The following STX1A variants were observed in gnomAD, a reference collection of about 807,000 sequenced individuals.
STX1A encodes syntaxin 1A.
In STX1A, 4 loss-of-function variants were observed where a neutral mutation model predicts 37.8. The observed-to-expected ratio is 0.11, with a 90% CI of 0.05 to 0.24. STX1A has a LOEUF of 0.24. Among genes scored for constraint, STX1A ranks in the 10% least tolerant of loss-of-function variants. STX1A has a pLI of 1.00. For synonymous variants in STX1A, 135 were observed against 147.4 expected (o/e 0.92, Z 0.61); for missense variants, 251 against 399.9 (o/e 0.63, Z 3.18).
intron 1 of STX1A, among the ~76,000 whole-genome samples, chr7:73,719,390 C>A (rs1799414280): frequency 6.6e-6 from 1 of 152,190 alleles, no homozygotes; most frequent in South Asian, 2.1e-4. Flanking sequence ...CACGTGTCAG[C>A]GCGGCCGAGC....
At chr7:73,704,950 G>C in intron 4 of STX1A, 200 bp downstream of exon 4, 1 of 636,288 alleles carries the variant, frequency 1.6e-6, no homozygotes, top group South Asian at 1.8e-5. Context: ...CCTTAGGTGG[G>C]TGTGTCCCTG....
intron 1 of STX1A, among the ~76,000 whole-genome samples, chr7:73,710,666 C>G (rs1225598369): frequency 6.6e-6 from 1 of 152,214 alleles, no homozygotes; most frequent in Non-Finnish European, 1.5e-5. Flanking sequence ...CTCAGGTGAT[C>G]CACCCGCCTC....
chr7:73,705,406 C>T lies in STX1A; in HGVS notation c.209-182G>A. On this transcript the variant is annotated intron_variant, in intron 3 of 9. Transcript: ENST00000222812. This position sits in a 1 kb window ranked among gnomAD's most constrained non-coding sequence, Gnocchi z 5.2. ...CCCCAATTCTGGGCCAGGGCTGCACCAGCTGCAGCTTCACCCCCTCTTGTG... is the reference window on the plus strand; with the variant it reads ...CCCCAATTCTGGGCCAGGGCTGCACTAGCTGCAGCTTCACCCCCTCTTGTG... The T allele has an allele frequency of 1.7e-6, 1 of 596,674 alleles. No homozygotes were observed. The highest frequency in any genetic ancestry group is 3.0e-6 in the Non-Finnish European group (1 of 335,500). 37.0% of individuals were successfully genotyped at this position (596,674 alleles called of 1,614,324 possible).
intron 3 of STX1A, among the ~76,000 whole-genome samples, chr7:73,707,650 G>A (rs1219821791): frequency 6.6e-6 from 1 of 152,162 alleles, no homozygotes; most frequent in Admixed American, 6.5e-5. Context: ...ATACCTTCTT[G>A]GGGCTGGGCG....
rs781978960 is a variant in STX1A, at chr7:73,700,882, T to G, written c.679-42A>C. The G allele has an allele frequency of 6.2e-7, 1 of 1,609,010 alleles. No individual in the cohort carries two copies. The highest frequency in any genetic ancestry group is 1.7e-5 in the Admixed American group (1 of 59,860). ...ACCCGAGCTCCAGAGGGCCCCCTCC[T>G]CAGGGTTGGGTTGGGGCTCGGGGCA... On this transcript the variant is annotated intron_variant, in intron 8 of 9. Coordinates refer to ENST00000222812, the MANE Select transcript of STX1A (RefSeq NM_004603.4). The surrounding 1 kb of genome is among the most constrained non-coding windows in gnomAD (Gnocchi z 4.4).
intron 8 of STX1A, among the ~76,000 whole-genome samples, chr7:73,701,899 T>C (rs1401281854): frequency 6.6e-6 from 1 of 152,196 alleles, no homozygotes; most frequent in Non-Finnish European, 1.5e-5. Context: ...GAGACCAGCC[T>C]GGGCAACACA....
chr7:73,714,678 G>A (rs1384070965), intron 1 of STX1A, among the ~76,000 whole-genome samples: 2 of 152,022 alleles, frequency 1.3e-5, no homozygotes, highest in Non-Finnish European at 2.9e-5. Flanking sequence ...GGTACTGCAG[G>A]TGTGAGCCCC....
rs1798703458 is a variant in STX1A, at chr7:73,702,672, AGGGACCTTC to A, written c.678+164_678+172del. ...GCTCAAGCAGAGCCATGCAGAGGACAGGGACCTTCGGGTCGGCAGGGCCCTGGCGGCAGT... is the reference window on the plus strand; with the variant it reads ...GCTCAAGCAGAGCCATGCAGAGGACAGGGTCGGCAGGGCCCTGGCGGCAGT... On this transcript the variant is annotated intron_variant, in intron 8 of 9. Transcript: ENST00000222812. The surrounding 1 kb of genome is among the most constrained non-coding windows in gnomAD (Gnocchi z 4.7). 3.4e-6 allele frequency: 5 copies of A among 1,480,900 alleles called. No individual in the cohort carries two copies. The East Asian group carries it at 1.2e-4, about 37-fold the overall frequency. 91.7% of individuals were successfully genotyped at this position (1,480,900 alleles called of 1,614,324 possible).
In STX1A at chr7:73,705,383, C is replaced by G. The variant is rs1798833531; in HGVS notation, c.209-159G>C. 1.6e-6 allele frequency: 1 copy of G among 633,610 alleles called. No homozygotes were observed. Among genetic ancestry groups the G allele is most frequent in the Non-Finnish European group, 2.8e-6 (1 of 358,848 alleles). 39.2% of individuals were successfully genotyped at this position (633,610 alleles called of 1,614,324 possible). A position where few individuals can be genotyped will look rare whatever the true frequency, so the allele number is the denominator to read the frequency against. On this transcript the variant is annotated intron_variant, in intron 3 of 9. Transcript: ENST00000222812. The surrounding 1 kb of genome is among the most constrained non-coding windows in gnomAD (Gnocchi z 5.2). ...GGCTCTGCCTGCCCGCCCCCCTCCCCCAATTCTGGGCCAGGGCTGCACCAG... is the reference window on the plus strand; with the variant it reads ...GGCTCTGCCTGCCCGCCCCCCTCCCGCAATTCTGGGCCAGGGCTGCACCAG...
rs1490447379 is a variant in STX1A, at chr7:73,702,368, C to T, written c.678+477G>A. Among the ~76,000 whole-genome samples the T allele has an allele frequency of 6.6e-6, 1 of 152,194 alleles. No individual in the cohort carries two copies. Among genetic ancestry groups the T allele is most frequent in the African/African-American group, 2.4e-5 (1 of 41,450 alleles). ...CTTCCTGGACCTTCACCTCAGCTGC[C>T]AGTCTCTGGGACGGGGACCTGGAAA... is the stretch of plus-strand genomic sequence containing the variant. On this transcript the variant is annotated intron_variant, in intron 8 of 9. Transcript: ENST00000222812. The surrounding 1 kb of genome is among the most constrained non-coding windows in gnomAD (Gnocchi z 4.7).
chr7:73,713,266 T>A (rs184416798), intron 1 of STX1A, among the ~76,000 whole-genome samples: 2 of 152,182 alleles, frequency 1.3e-5, no homozygotes, highest in African/African-American at 4.8e-5. Context: ...TCAGTTCTCA[T>A]TGGACACGGA....
chr7:73,715,726 A>T (rs1799268865), intron 1 of STX1A, among the ~76,000 whole-genome samples: 1 of 152,254 alleles, frequency 6.6e-6, no homozygotes, highest in Non-Finnish European at 1.5e-5. Flanking sequence ...AGGTTGATTC[A>T]TCACTGCTGA....
chr7:73,704,829 C>G lies in STX1A; in HGVS notation c.283+321G>C, dbSNP rs1241197700. On this transcript the variant is annotated intron_variant, in intron 4 of 9. Coordinates refer to ENST00000222812, the MANE Select transcript of STX1A (RefSeq NM_004603.4). The stretch of plus-strand genomic sequence containing the variant: ...CATGGGGTGCACGTGTCTGTTCACC[C>G]AGAATACCGGGCTTCTGCAAGAGAC... 10 of 520,094 alleles carry G rather than the reference C, an allele frequency of 1.9e-5. 1 individual carries two copies. In the South Asian group the frequency reaches 2.2e-4, roughly 11 times the overall value. The allele number at this position is 520,094 out of a possible 1,614,324, so 32.2% of individuals were successfully genotyped here. A position where few individuals can be genotyped will look rare whatever the true frequency, so the allele number is the denominator to read the frequency against.
rs1563569512 is a variant in STX1A, at chr7:73,703,736, G to A, written c.540+19C>T. On this transcript the variant is annotated intron_variant, in intron 7 of 9. Transcript: ENST00000222812. ...CATGGTGAGGGGGTCATGGCAGGAGGGATGGGGCCTACACTCACCCCAGAG... is the reference window on the plus strand; with the variant it reads ...CATGGTGAGGGGGTCATGGCAGGAGAGATGGGGCCTACACTCACCCCAGAG... 2 of 1,610,614 alleles carry A rather than the reference G, an allele frequency of 1.2e-6. No individual in the cohort carries two copies. The highest frequency in any genetic ancestry group is 2.2e-5 in the South Asian group (2 of 90,716).
intron 8 of STX1A, 165 bp from the exon 9 acceptor site, chr7:73,701,005 T>TAG: frequency 7.1e-7 from 1 of 1,399,474 alleles, no homozygotes; most frequent in South Asian, 1.4e-5. Context: ...GGGTGGGGTG[T>TAG]AGAGGGCCAG....
chr7:73,705,590 GT>G lies in STX1A; in HGVS notation c.209-367del, dbSNP rs1389792593. ...CTTGATGCTTGCTGGAGTTGAAGGG[GT>G]GGGGGGGCGGTGTGGGCTCACCTGG... On this transcript the variant is annotated intron_variant, in intron 3 of 9. Coordinates refer to ENST00000222812, the MANE Select transcript of STX1A (RefSeq NM_004603.4). This position sits in a 1 kb window ranked among gnomAD's most constrained non-coding sequence, Gnocchi z 5.2. The G allele has an allele frequency of 3.6e-6, 1 of 277,646 alleles. No individual in the cohort carries two copies. Among genetic ancestry groups the G allele is most frequent in the Non-Finnish European group, 7.1e-6 (1 of 141,754 alleles). 17.2% of individuals were successfully genotyped at this position (277,646 alleles called of 1,614,324 possible).
chr7:73,700,920 A>G lies in STX1A; in HGVS notation c.679-80T>C, dbSNP rs1392373322. 2 of 1,587,864 alleles carry G rather than the reference A, an allele frequency of 1.3e-6. No homozygotes were observed. Among genetic ancestry groups the G allele is most frequent in the African/African-American group, 2.7e-5 (2 of 74,632 alleles). ...GGGGCTCGGGGCAGGACTTCAGGAA[A>G]GCACCCTGAGGCTAGAGACAAAAAG... On this transcript the variant is annotated intron_variant, in intron 8 of 9. Coordinates refer to ENST00000222812, the MANE Select transcript of STX1A (RefSeq NM_004603.4). This position sits in a 1 kb window ranked among gnomAD's most constrained non-coding sequence, Gnocchi z 4.4.
Position 73,705,542 on chromosome 7 carries a change from G to A in STX1A, c.209-318C>T. On this transcript the variant is annotated intron_variant, in intron 3 of 9. Transcript: ENST00000222812. This position sits in a 1 kb window ranked among gnomAD's most constrained non-coding sequence, Gnocchi z 5.2. ...TAATTGTGGAGCAGCTGGCGATGCT[G>A]GAGTTGGCGCCGGGAACAGTGACTT... 1 of 327,840 alleles carries A rather than the reference G, an allele frequency of 3.1e-6. No individual in the cohort carries two copies. The highest frequency in any genetic ancestry group is 5.8e-6 in the Non-Finnish European group (1 of 172,710). 20.3% of individuals were successfully genotyped at this position (327,840 alleles called of 1,614,324 possible). A position where few individuals can be genotyped will look rare whatever the true frequency, so the allele number is the denominator to read the frequency against.
intron 3 of STX1A, among the ~76,000 whole-genome samples, chr7:73,708,257 C>T: frequency 8.5e-6 from 1 of 117,084 alleles, no homozygotes; most frequent in African/African-American, 3.2e-5. Flanking sequence ...AGCAAGACTC[C>T]ATCTCAAAAA....
Sources: allele counts gnomAD v4.1 joint callset (sites outside exome capture counted in the v4.1 genomes callset), GRCh38; gene constraint gnomAD v4.1.1; non-coding constraint Gnocchi (gnomAD v3.1); transcripts MANE v1.5; gene names NCBI Gene and HGNC (gene_info 2026-07-23, HGNC 2026-07-21).